RBFOX3: variants seen among roughly 807,000 people sequenced by gnomAD.
The protein encoded by RBFOX3 is RNA binding fox-1 homolog 3, also known as RNA binding protein fox-1 homolog 3.
Under a neutral mutation model 48.7 loss-of-function variants are expected in RBFOX3, and 17 were observed. The ratio of observed to expected loss-of-function variants is 0.35; its 90% CI spans 0.24 to 0.52. RBFOX3 has a LOEUF of 0.52. RBFOX3 is among the 20% of genes least tolerant of loss of function. The pLI is 0.94. For missense variants in RBFOX3, 382 were observed against 497.5 expected (o/e 0.77, Z 2.21); for synonymous variants, 212 against 209.5 (o/e 1.01, Z -0.10).
intron 3 of RBFOX3, among the ~76,000 whole-genome samples, chr17:79,268,028 C>G (rs916789448): frequency 1.3e-5 from 2 of 152,210 alleles, no homozygotes; most frequent in South Asian, 2.1e-4. Context: ...TCGGTCTCTG[C>G]AAATTTTCCC....
At chr17:79,373,692 T>G (rs538650340) in intron 2 of RBFOX3, among the ~76,000 whole-genome samples, 3 of 152,032 alleles carry the variant, frequency 2.0e-5, no homozygotes, top group African/African-American at 7.2e-5. Context: ...TGCTTTCTCC[T>G]GGACAGAGCT....
intron 4 of RBFOX3, among the ~76,000 whole-genome samples, chr17:79,120,873 G>A (rs2035563941): frequency 6.6e-6 from 1 of 151,988 alleles, no homozygotes. Flanking sequence ...GGCAAAACTG[G>A]TAAGACCCAG....
At chr17:79,600,772 A>T (rs1482773477) in intron 1 of RBFOX3, 3 of 152,176 alleles carry the variant, frequency 2.0e-5, no homozygotes. Context: ...ACTCTTCACG[A>T]CACTGCTCTC....
rs576301973 is a variant in RBFOX3, at chr17:79,471,870, A to G, written c.-175+10584T>C. ...TCCAGGGTCGAGGGAGAACACTTCA[A>G]GAGAGGCGACTAAATCTCCACCAAG... On this transcript the variant is annotated intron_variant, in intron 2 of 14. Coordinates refer to ENST00000693108, the MANE Select transcript of RBFOX3 (RefSeq NM_001350451.2). This position sits in a 1 kb window ranked among gnomAD's most constrained non-coding sequence, Gnocchi z 4.0. Among the ~76,000 whole-genome samples, 105 of 152,322 alleles carry G rather than the reference A, an allele frequency of 6.9e-4. No homozygotes were observed. The highest frequency in any genetic ancestry group is 2.1e-3 in the African/African-American group (86 of 41,568).
chr17:79,431,289 T>C (rs2068399163), intron 2 of RBFOX3, among the ~76,000 whole-genome samples: 1 of 152,166 alleles, frequency 6.6e-6, no homozygotes, highest in African/African-American at 2.4e-5. Context: ...GGGAAACACA[T>C]GGTTAGGTTC....
At chr17:79,092,457 A>G in intron 14 of RBFOX3, 2 of 985,848 alleles carry the variant, frequency 2.0e-6, no homozygotes, top group Non-Finnish European at 2.4e-6. Context: ...TATAGATTTT[A>G]GAGTTGCAGG....
rs980072790 is a variant in RBFOX3, at chr17:79,243,240, A to C, written c.-73-7435T>G. Among the ~76,000 whole-genome samples, 1 of 152,014 alleles carries C rather than the reference A, an allele frequency of 6.6e-6. No homozygotes were observed. The highest frequency in any genetic ancestry group is 2.4e-5 in the African/African-American group (1 of 41,390). The stretch of plus-strand genomic sequence containing the variant: ...GACCACAACCTTGTGCTTAGAGCTG[A>C]TTATTCTGCTCAGGCCAAGCACTCC... On this transcript the variant is annotated intron_variant, in intron 3 of 14. Coordinates refer to ENST00000693108, the MANE Select transcript of RBFOX3 (RefSeq NM_001350451.2). This position sits in a 1 kb window ranked among gnomAD's most constrained non-coding sequence, Gnocchi z 7.9.
chr17:79,109,510 CT>C (rs1454850505), intron 5 of RBFOX3, among the ~76,000 whole-genome samples: 1 of 152,244 alleles, frequency 6.6e-6, no homozygotes, highest in Non-Finnish European at 1.5e-5. Flanking sequence ...CCCAAGTTTT[CT>C]TGCAGAAAGC....
intron 2 of RBFOX3, among the ~76,000 whole-genome samples, chr17:79,380,043 C>T (rs1280409303): frequency 2.0e-5 from 3 of 152,130 alleles, no homozygotes; most frequent in African/African-American, 7.2e-5. Flanking sequence ...TTGAGTCCCT[C>T]TGTTAGTCAC....
the RBFOX3 span, among the ~76,000 whole-genome samples, chr17:79,663,508 C>G: frequency 6.6e-6 from 1 of 152,216 alleles, no homozygotes; most frequent in Non-Finnish European, 1.5e-5. Context: ...ATGCAAACAT[C>G]ACAGGGTGTT....
At chr17:79,313,478 AC>A (rs1292757493) in intron 2 of RBFOX3, among the ~76,000 whole-genome samples, 2 of 151,718 alleles carry the variant, frequency 1.3e-5, no homozygotes, top group Non-Finnish European at 2.9e-5. Flanking sequence ...CTCACCCCAG[AC>A]CCCCCTGCAG....
chr17:79,564,422 C>A (rs1038833425), intron 1 of RBFOX3, among the ~76,000 whole-genome samples: 1 of 152,190 alleles, frequency 6.6e-6, no homozygotes, highest in African/African-American at 2.4e-5. Flanking sequence ...GGGATAATGG[C>A]CGAGCTGGCC....
intron 2 of RBFOX3, among the ~76,000 whole-genome samples, chr17:79,381,008 T>C (rs951960555): frequency 1.3e-5 from 2 of 152,160 alleles, no homozygotes; most frequent in Non-Finnish European, 2.9e-5. Context: ...ATGCCTGTAA[T>C]CCCAGCACTT....
At chr17:79,441,674 C>T (rs1482531668) in intron 2 of RBFOX3, among the ~76,000 whole-genome samples, 1 of 152,182 alleles carries the variant, frequency 6.6e-6, no homozygotes, top group Non-Finnish European at 1.5e-5. Flanking sequence ...TTGTTTTAAG[C>T]CCCCTAGTGT....
the RBFOX3 span, among the ~76,000 whole-genome samples, chr17:79,665,403 A>G: frequency 6.6e-6 from 1 of 150,718 alleles, no homozygotes; most frequent in Non-Finnish European, 1.5e-5. Flanking sequence ...CGGAGCAGAG[A>G]GGAGGGGCCT....
intron 1 of RBFOX3, among the ~76,000 whole-genome samples, chr17:79,586,484 G>A (rs934459311): frequency 7.2e-5 from 11 of 152,328 alleles, no homozygotes; most frequent in South Asian, 2.1e-4. Flanking sequence ...AAGCTACAGC[G>A]TTTTGGGGCG....
intron 3 of RBFOX3, among the ~76,000 whole-genome samples, chr17:79,285,522 G>C (rs999047182): frequency 5.9e-5 from 9 of 152,318 alleles, no homozygotes; most frequent in African/African-American, 1.7e-4. Context: ...CATCAAGTAG[G>C]TAAAGATCTG....
rs1221705703 is a variant in RBFOX3, at chr17:79,477,259, A to T, written c.-175+5195T>A. ...AAAAAAAATAAATAAAGATAAATTA[A>T]AAAAAAAAAAAAAAAAAGAGGGCGC... is the stretch of plus-strand genomic sequence containing the variant. On this transcript the variant is annotated intron_variant, in intron 2 of 14. Coordinates refer to ENST00000693108, the MANE Select transcript of RBFOX3 (RefSeq NM_001350451.2). This position sits in a 1 kb window ranked among gnomAD's most constrained non-coding sequence, Gnocchi z 4.8. Among the ~76,000 whole-genome samples the T allele has an allele frequency of 1.2e-4, 6 of 50,834 alleles. No individual in the cohort carries two copies. Among genetic ancestry groups the T allele is most frequent in the Middle Eastern group, 0.025 (2 of 80 alleles). 33.3% of individuals were successfully genotyped at this position (50,834 alleles called of 152,430 possible).
At chr17:79,171,342 G>A (rs2049241649) in intron 4 of RBFOX3, among the ~76,000 whole-genome samples, 1 of 152,202 alleles carries the variant, frequency 6.6e-6, no homozygotes, top group Admixed American at 6.5e-5. Flanking sequence ...TCTGCGGACA[G>A]GGCTGGTGTA....
Sources: allele counts gnomAD v4.1 joint callset (sites outside exome capture counted in the v4.1 genomes callset), GRCh38; gene constraint gnomAD v4.1.1; non-coding constraint Gnocchi (gnomAD v3.1); transcripts MANE v1.5; gene names NCBI Gene and HGNC (gene_info 2026-07-23, HGNC 2026-07-21).